The following LRRC4C variants were observed in gnomAD, a reference collection of about 807,000 sequenced individuals.
LRRC4C encodes leucine rich repeat containing 4C.
In LRRC4C, 5 loss-of-function variants were observed where a neutral mutation model predicts 33.6. The observed-to-expected ratio is 0.15, with a 90% CI of 0.08 to 0.31. The LOEUF (loss-of-function observed/expected upper bound fraction) is 0.31, where lower values mean the gene tolerates loss of function less well. LRRC4C is among the 10% of genes least tolerant of loss of function. The pLI is 1.00. For synonymous variants in LRRC4C, 329 were observed against 302.0 expected, an observed-to-expected ratio of 1.09 and a Z score of -0.93; for missense variants, 560 against 796.7, an observed-to-expected ratio of 0.70 and a Z score of 3.58.
intron 1 of LRRC4C, among the ~76,000 whole-genome samples, chr11:41,267,384 A>G (rs752270727): frequency 6.6e-6 from 1 of 152,090 alleles, no homozygotes; most frequent in Non-Finnish European, 1.5e-5. Flanking sequence ...ACAGCTTAAA[A>G]TGTACTCTGT....
chr11:40,621,853 A>G (rs1383634969), intron 3 of LRRC4C, among the ~76,000 whole-genome samples: 1 of 151,866 alleles, frequency 6.6e-6, no homozygotes, highest in Non-Finnish European at 1.5e-5. Context: ...CAATATAACA[A>G]CTTTATGATA....
chr11:40,682,694 C>A (rs1434704089), intron 2 of LRRC4C, among the ~76,000 whole-genome samples: 1 of 151,346 alleles, frequency 6.6e-6, no homozygotes, highest in African/African-American at 2.4e-5. Flanking sequence ...TCACTTGAAC[C>A]CTGGAGATGG....
intron 1 of LRRC4C, among the ~76,000 whole-genome samples, chr11:40,974,275 G>C (rs956657867): frequency 1.8e-4 from 27 of 152,106 alleles, no homozygotes; most frequent in African/African-American, 6.5e-4. Context: ...TCTTGTTATT[G>C]ATTTTTAATC....
At chr11:40,965,115 T>C (rs1298999731) in intron 1 of LRRC4C, among the ~76,000 whole-genome samples, 2 of 152,192 alleles carry the variant, frequency 1.3e-5, no homozygotes, top group South Asian at 2.1e-4. Flanking sequence ...ATTTCTCTGA[T>C]GGCCAGTGAT....
intron 6 of LRRC4C, among the ~76,000 whole-genome samples, chr11:40,127,956 C>T (rs1381565): frequency 0.032 from 4,896 of 152,238 alleles, 236 homozygotes; most frequent in African/African-American, 0.1. Context: ...GACTACTAAA[C>T]ACACATTTAG....
Position 41,448,740 on chromosome 11 carries a change from T to C in LRRC4C, c.-496+10691A>G, listed in dbSNP as rs11036407. On this transcript the variant is annotated intron_variant, in intron 1 of 6. Coordinates refer to ENST00000528697, the MANE Select transcript of LRRC4C (RefSeq NM_001258419.2). ...CAACATTTCACAGTATTTCTAAATATAGATATTTGATTTGTCCTGACATTT... is the reference window on the plus strand; with the variant it reads ...CAACATTTCACAGTATTTCTAAATACAGATATTTGATTTGTCCTGACATTT... Among the ~76,000 whole-genome samples, 1,125 of 152,356 alleles carry C rather than the reference T, an allele frequency of 7.4e-3. 9 individuals are homozygous for C. The highest frequency in any genetic ancestry group is 0.011 in the Non-Finnish European group (746 of 68,024).
At chr11:40,958,254 T>G (rs1390439452) in intron 1 of LRRC4C, among the ~76,000 whole-genome samples, 2 of 151,756 alleles carry the variant, frequency 1.3e-5, no homozygotes, top group East Asian at 3.9e-4. Flanking sequence ...GACAGTAGTC[T>G]GGCAATTTAA....
At chr11:40,676,213 G>T (rs926926831) in intron 2 of LRRC4C, among the ~76,000 whole-genome samples, 2 of 152,072 alleles carry the variant, frequency 1.3e-5, no homozygotes, top group East Asian at 1.9e-4. Flanking sequence ...GCTCTTAAGG[G>T]AGTAGCATAA....
intron 1 of LRRC4C, among the ~76,000 whole-genome samples, chr11:41,256,280 A>G (rs545083911): frequency 1.3e-5 from 2 of 152,086 alleles, no homozygotes; most frequent in South Asian, 4.1e-4. Context: ...CCATCCAGGA[A>G]AATGAGCAAG....
At chr11:40,447,883 C>T (rs888652068) in intron 3 of LRRC4C, among the ~76,000 whole-genome samples, 2 of 152,150 alleles carry the variant, frequency 1.3e-5, no homozygotes, top group African/African-American at 4.8e-5. Flanking sequence ...ATGGTGTGAT[C>T]TTGGCTCACT....
intron 3 of LRRC4C, among the ~76,000 whole-genome samples, chr11:40,325,356 G>A (rs1404401898): frequency 3.3e-5 from 5 of 152,192 alleles, no homozygotes; most frequent in African/African-American, 9.7e-5. Flanking sequence ...ATCCGGGCCA[G>A]TCATGATAGC....
chr11:40,482,899 A>C (rs1238277732), intron 3 of LRRC4C, among the ~76,000 whole-genome samples: 4 of 152,226 alleles, frequency 2.6e-5, no homozygotes, highest in Non-Finnish European at 5.9e-5. Flanking sequence ...AACGAAGAGT[A>C]AATGTACCTT....
In LRRC4C at chr11:40,353,370, A is replaced by C. The variant is rs143353893; in HGVS notation, c.-269-33649T>G. Among the ~76,000 whole-genome samples, 1,440 of 152,096 alleles carry C rather than the reference A, an allele frequency of 9.5e-3. 25 individuals are homozygous for C. The highest frequency in any genetic ancestry group is 0.047 in the South Asian group (224 of 4,810). ...TGATCAATTCTGCTCTTGAGAAACTAATGCATTTTTTACTATATAATTTTT... is the reference window on the plus strand; with the variant it reads ...TGATCAATTCTGCTCTTGAGAAACTCATGCATTTTTTACTATATAATTTTT... On this transcript the variant is annotated intron_variant, in intron 3 of 6. Coordinates refer to ENST00000528697, the MANE Select transcript of LRRC4C (RefSeq NM_001258419.2).
intron 2 of LRRC4C, among the ~76,000 whole-genome samples, chr11:40,876,729 C>T (rs1318406785): frequency 1.3e-5 from 2 of 151,624 alleles, no homozygotes; most frequent in African/African-American, 2.4e-5. Flanking sequence ...TTGGTGAAAC[C>T]CCATCTCTAC....
intron 4 of LRRC4C, among the ~76,000 whole-genome samples, chr11:40,282,261 C>T (rs184432190): frequency 1.3e-5 from 2 of 152,212 alleles, no homozygotes; most frequent in East Asian, 1.9e-4. Flanking sequence ...AGGAGAATCG[C>T]TTGAATCTGG....
At chr11:41,349,806 CT>C (rs1339501823) in intron 1 of LRRC4C, among the ~76,000 whole-genome samples, 1 of 152,020 alleles carries the variant, frequency 6.6e-6, no homozygotes, top group Non-Finnish European at 1.5e-5. Flanking sequence ...AGCAATGATT[CT>C]TTTTTTTCTT....
chr11:41,324,948 G>A (rs937334814), intron 1 of LRRC4C, among the ~76,000 whole-genome samples: 3 of 152,156 alleles, frequency 2.0e-5, no homozygotes, highest in African/African-American at 7.2e-5. Context: ...CACATGCATA[G>A]TGTATAGTTT....
At chr11:41,005,621 TA>T (rs961630051) in intron 1 of LRRC4C, among the ~76,000 whole-genome samples, 1 of 151,494 alleles carries the variant, frequency 6.6e-6, no homozygotes, top group African/African-American at 2.4e-5. Context: ...AAAATAAAAA[TA>T]AAAAAAGCTG....
At chr11:40,992,885 C>G (rs575031620) in intron 1 of LRRC4C, among the ~76,000 whole-genome samples, 1 of 152,218 alleles carries the variant, frequency 6.6e-6, no homozygotes, top group African/African-American at 2.4e-5. Flanking sequence ...TTATCCTGAT[C>G]TGCCAGTACA....
Sources: allele counts gnomAD v4.1 joint callset (sites outside exome capture counted in the v4.1 genomes callset), GRCh38; gene constraint gnomAD v4.1.1; transcripts MANE v1.5; gene names NCBI Gene and HGNC (gene_info 2026-07-23, HGNC 2026-07-21).